The following NMUR1 variants were observed in gnomAD, a reference collection of about 807,000 sequenced individuals.
The protein encoded by NMUR1 is neuromedin-U receptor 1.
NMUR1 carries 16 observed loss-of-function variants against 18.8 expected under a neutral mutation model. The ratio of observed to expected loss-of-function variants is 0.85; its 90% CI spans 0.58 to 1.29. The LOEUF is 1.29. NMUR1 is among the 50% of genes most tolerant of loss of function. NMUR1 has a pLI of 0.00. For missense variants in NMUR1, 529 were observed against 580.3 expected (o/e 0.91, Z 0.91); for synonymous variants, 258 against 258.2 (o/e 1.00, Z 0.01).
At chr2:231,518,701 G>A (rs2047285404), downstream of NMUR1, among the ~76,000 whole-genome samples, 1 of 152,162 alleles carries the variant, frequency 6.6e-6, no homozygotes, top group Admixed American at 6.6e-5. Context: ...GAGGTGAGAC[G>A]AACAGGGAGA....
chr2:231,520,464 A>G (rs944126211), downstream of NMUR1, among the ~76,000 whole-genome samples: 5 of 152,274 alleles, frequency 3.3e-5, no homozygotes, highest in South Asian at 2.1e-4. Context: ...AGCAGTGGAG[A>G]GTGTCCAGAA....
Position 231,525,244 on chromosome 2 carries a change from G to A in NMUR1, c.1080C>T (p.Ser360=). 1 of 1,614,172 alleles carries A rather than the reference G, an allele frequency of 6.2e-7. No individual in the cohort carries two copies. Among genetic ancestry groups the A allele is most frequent in the Non-Finnish European group, 8.5e-7 (1 of 1,180,034 alleles). The change falls in exon 3 of 3, where the codon TCC becomes TCT. Residue 360 remains serine, a synonymous_variant. Coordinates refer to ENST00000305141, the MANE Select transcript of NMUR1 (RefSeq NM_006056.5). ...AANPVLYSLM[S]SRFRETFQEA... ...CCTGGAAGGTCTCTCGGAAGCGGCTGGACATGAGGCTATAGAGCACGGGGT... is the reference window on the plus strand; with the variant it reads ...CCTGGAAGGTCTCTCGGAAGCGGCTAGACATGAGGCTATAGAGCACGGGGT...
rs769422774 is a variant in NMUR1, at chr2:231,528,779, G to T, written c.242C>A (p.Thr81Asn). The change falls in exon 2 of 3, where the codon ACC becomes AAC. Residue 81 changes from threonine (T) to asparagine (N), a missense_variant. By Grantham distance (65) the Thr-to-Asn change is moderately conservative (BLOSUM62 0). Coordinates refer to ENST00000305141, the MANE Select transcript of NMUR1 (RefSeq NM_006056.5). ...CTTGTGGCGCAGGATGACCAGACAG[G>T]TCAGCCCATTGCCCACAGCGCCCAC... is the stretch of plus-strand genomic sequence containing the variant. ...FVVGAVGNGL[T>N]CLVILRHKAM... 1.2e-6 allele frequency: 2 copies of T among 1,614,112 alleles called. No individual in the cohort carries two copies. Among genetic ancestry groups the T allele is most frequent in the East Asian group, 2.2e-5 (1 of 44,904 alleles).
chr2:231,527,743 G>A (rs2047370556), intron 2 of NMUR1, among the ~76,000 whole-genome samples: 1 of 151,848 alleles, frequency 6.6e-6, no homozygotes, highest in Admixed American at 6.6e-5. Flanking sequence ...TGCCCTTTCT[G>A]TGTTTTGGTT....
downstream of NMUR1, among the ~76,000 whole-genome samples, chr2:231,522,820 C>T (rs2047318813): frequency 6.6e-6 from 1 of 152,208 alleles, no homozygotes; most frequent in African/African-American, 2.4e-5. Context: ...CCACTCCCCA[C>T]CCCCAGCCTC....
chr2:231,525,420 G>A lies in NMUR1; in HGVS notation c.904C>T (p.Leu302=), dbSNP rs1343120375. The A allele has an allele frequency of 6.2e-7, 1 of 1,609,094 alleles. No individual in the cohort carries two copies. Among genetic ancestry groups the A allele is most frequent in the South Asian group, 1.1e-5 (1 of 90,534 alleles). The stretch of plus-strand genomic sequence containing the variant: ...CAGCAGATGCCAAACACCACGACCA[G>A]GACAACTGCAGGGACAGAGAAGGGA... ...RRQVTKMLFV[L]VVVFGICWAP... is the part of the protein sequence containing the mutation. The change falls in exon 3 of 3, where the codon CTG becomes TTG. Residue 302 remains leucine, a synonymous_variant. Transcript: ENST00000305141.
chr2:231,524,921 A>G lies in NMUR1; in HGVS notation c.*122T>C. 2 of 1,327,222 alleles carry G rather than the reference A, an allele frequency of 1.5e-6. No individual in the cohort carries two copies. Among genetic ancestry groups the G allele is most frequent in the Non-Finnish European group, 2.0e-6 (2 of 989,406 alleles). 82.2% of individuals were successfully genotyped at this position (1,327,222 alleles called of 1,614,324 possible). ...TCTGAGGGAAACTGAGGTGCTGGTC[A>G]GAATTTCTAGGCTGAACTAGGGACA... On this transcript the variant is annotated 3_prime_UTR_variant, in exon 3 of 3. Coordinates refer to ENST00000305141, the MANE Select transcript of NMUR1 (RefSeq NM_006056.5).
downstream of NMUR1, among the ~76,000 whole-genome samples, chr2:231,522,805 T>C (rs1011236079): frequency 6.6e-6 from 1 of 152,150 alleles, no homozygotes; most frequent in Non-Finnish European, 1.5e-5. Flanking sequence ...TTGTCCTCAG[T>C]GTCCCCACTC....
At position 231,524,646 on chromosome 2, in the gene NMUR1, T is replaced by G; in HGVS notation, c.*397A>C. The stretch of plus-strand genomic sequence containing the variant: ...ATTGGAACCAGGTCCCCTGGATCCC[T>G]GGGCCCCTGCCAGAACCTGAACAGG... On this transcript the variant is annotated 3_prime_UTR_variant, in exon 3 of 3. Coordinates refer to ENST00000305141, the MANE Select transcript of NMUR1 (RefSeq NM_006056.5). 5.2e-6 allele frequency: 1 copy of G among 191,108 alleles called. No individual in the cohort carries two copies. Among genetic ancestry groups the G allele is most frequent in the Non-Finnish European group, 1.1e-5 (1 of 92,266 alleles). The allele number at this position is 191,108 out of a possible 1,614,324, so 11.8% of individuals were successfully genotyped here. A position where few individuals can be genotyped will look rare whatever the true frequency, so the allele number is the denominator to read the frequency against.
In NMUR1 at chr2:231,523,654, TC is replaced by T. The variant is rs2047325296; in HGVS notation, c.*1388del. 1 of 156,920 alleles carries T rather than the reference TC, an allele frequency of 6.4e-6. No homozygotes were observed. The highest frequency in any genetic ancestry group is 2.1e-4 in the South Asian group (1 of 4,864). The allele number at this position is 156,920 out of a possible 1,614,324, so 9.7% of individuals were successfully genotyped here. ...ACCCAGACAGACCGACCGAAGGTCATCCTCCAGCTCCCAGCCTTGGAAGCCA... is the reference window on the plus strand; with the variant it reads ...ACCCAGACAGACCGACCGAAGGTCATCTCCAGCTCCCAGCCTTGGAAGCCA... On this transcript the variant is annotated 3_prime_UTR_variant, in exon 3 of 3. Coordinates refer to ENST00000305141, the MANE Select transcript of NMUR1 (RefSeq NM_006056.5).
rs1286972471 is a variant in NMUR1 at position 231,528,617 on chromosome 2, TAGC to T, written c.401_403del (p.Cys134del). ...CATCTCAAACAGTAGCGTGCGGAAA[TAGC>T]AGCCACCAACGCCCAGCAGGAAGGG... On this transcript the variant is annotated inframe_deletion, in exon 2 of 3. Transcript: ENST00000305141. 7 of 1,613,970 alleles carry T rather than the reference TAGC, an allele frequency of 4.3e-6. No individual in the cohort carries two copies. The highest frequency in any genetic ancestry group is 2.2e-5 in the East Asian group (1 of 44,882).
intron 2 of NMUR1, among the ~76,000 whole-genome samples, chr2:231,526,381 G>A (rs1024790257): frequency 3.3e-5 from 5 of 152,166 alleles, no homozygotes; most frequent in African/African-American, 7.2e-5. Context: ...GAGGGCCAGC[G>A]GAAAGTGGAC....
At chr2:231,529,555 A>T (rs1005098904) in intron 1 of NMUR1, among the ~76,000 whole-genome samples, 1 of 152,058 alleles carries the variant, frequency 6.6e-6, no homozygotes, top group Non-Finnish European at 1.5e-5. Context: ...GATCTATTGG[A>T]ACCTTTGAGT....
intron 1 of NMUR1, 53 bp downstream of exon 1, chr2:231,530,306 G>A (rs192889021): frequency 2.1e-5 from 31 of 1,498,898 alleles, no homozygotes; most frequent in Middle Eastern, 1.8e-4. Context: ...TGCCCGCACC[G>A]AGCCCCGGCC....
rs2047381798 is a variant in NMUR1 at position 231,528,554 on chromosome 2, C to CTCAACG, written c.466_467insCGTTGA (p.Leu155_Ser156insThrLeu). On this transcript the variant is annotated inframe_insertion, in exon 2 of 3. Transcript: ENST00000305141. ...CACCACGGCCACATAGCGTTCCACGCTCAGGGCAGTGACGTTGAGCACTGA... is the reference window on the plus strand; with the variant it reads ...CACCACGGCCACATAGCGTTCCACGCTCAACGTCAGGGCAGTGACGTTGAGCACTGA... 2.5e-6 allele frequency: 4 copies of CTCAACG among 1,613,936 alleles called. No homozygotes were observed. The highest frequency in any genetic ancestry group is 2.5e-6 in the Non-Finnish European group (3 of 1,180,060).
downstream of NMUR1, among the ~76,000 whole-genome samples, chr2:231,522,307 C>A (rs899330409): frequency 4.0e-5 from 6 of 151,874 alleles, no homozygotes; most frequent in African/African-American, 1.5e-4. Flanking sequence ...TTCTAACAAC[C>A]CCACTGCCCG....
At position 231,525,310 on chromosome 2, in the gene NMUR1, G is replaced by A. The variant is rs144153088; in HGVS notation, c.1014C>T (p.His338=). 6.6e-5 allele frequency: 107 copies of A among 1,613,818 alleles called. No individual in the cohort carries two copies. Among genetic ancestry groups the A allele is most frequent in the African/African-American group, 2.9e-4 (22 of 74,846 alleles). ...GGTAGAAGAAGATGCCGGAGATGAC[G>A]TGCACGTGCTGGAAGGCCAGGTGCA... is the stretch of plus-strand genomic sequence containing the variant. ...DGLHLAFQHV[H]VISGIFFYLG... is the part of the protein sequence containing the mutation. The change falls in exon 3 of 3, where the codon CAC becomes CAT. Residue 338 remains histidine, a synonymous_variant. Transcript: ENST00000305141.
chr2:231,522,623 C>G (rs930880204), downstream of NMUR1, among the ~76,000 whole-genome samples: 9 of 151,678 alleles, frequency 5.9e-5, no homozygotes, highest in Non-Finnish European at 8.8e-5. Context: ...CCACCCTCCC[C>G]CAAGGCCCAC....
At chr2:231,527,845 G>A (rs1273913893) in intron 2 of NMUR1, among the ~76,000 whole-genome samples, 1 of 151,950 alleles carries the variant, frequency 6.6e-6, no homozygotes, top group Non-Finnish European at 1.5e-5. Flanking sequence ...TTTTGAAAAA[G>A]GGACCCTGAA....
Sources: allele counts gnomAD v4.1 joint callset (sites outside exome capture counted in the v4.1 genomes callset), GRCh38; gene constraint gnomAD v4.1.1; transcripts MANE v1.5; gene names NCBI Gene and HGNC (gene_info 2026-07-23, HGNC 2026-07-21).